Variants in BEND6 observed in about 807,000 individuals in gnomAD.
The protein encoded by BEND6 is BEN domain-containing protein 6.
A neutral mutation model predicts 31.8 loss-of-function variants in BEND6; 24 were observed. The ratio of observed to expected loss-of-function variants is 0.75; its 90% CI spans 0.55 to 1.06. The LOEUF is 1.06. Ranked by LOEUF, BEND6 falls within the 50% of genes least tolerant of loss-of-function variation. The probability of loss-of-function intolerance (pLI) is 0.00; values close to 1 mark genes in which losing one functional copy is unlikely to be tolerated. For synonymous variants in BEND6, 109 were observed against 114.6 expected (o/e 0.95, Z 0.31); for missense variants, 294 against 327.4 (o/e 0.90, Z 0.79).
intron 6 of BEND6, among the ~76,000 whole-genome samples, chr6:57,024,925 A>G (rs533953450): frequency 6.6e-6 from 1 of 152,044 alleles, no homozygotes; most frequent in East Asian, 1.9e-4. Flanking sequence ...TGCTCCTCTG[A>G]CTGTATATTT....
intron 3 of BEND6, among the ~76,000 whole-genome samples, chr6:57,003,586 C>T (rs894788797): frequency 6.6e-6 from 1 of 152,058 alleles, no homozygotes; most frequent in African/African-American, 2.4e-5. Flanking sequence ...GATTCATAGA[C>T]AAATTCTACC....
At chr6:56,979,017 T>G (rs1249535412) in intron 1 of BEND6, among the ~76,000 whole-genome samples, 3 of 152,182 alleles carry the variant, frequency 2.0e-5, no homozygotes, top group Admixed American at 6.5e-5. Flanking sequence ...TTGTCAAAAG[T>G]TAAAACAAAA....
rs1341566604 is a variant in BEND6 at position 56,955,208 on chromosome 6, C to T, written c.-353C>T. Reference sequence around the variant, plus strand: ...CCCGGGCCTGAGAGCCCAGCGCCCTCCCGCGGGGCCGCCCGCCAGTCCGCG... The same window carrying T: ...CCCGGGCCTGAGAGCCCAGCGCCCTTCCGCGGGGCCGCCCGCCAGTCCGCG... On this transcript the variant is annotated 5_prime_UTR_variant, in exon 1 of 7. Transcript: ENST00000370746. The T allele has an allele frequency of 1.9e-4, 29 of 151,692 alleles. No homozygotes were observed. The highest frequency in any genetic ancestry group is 4.0e-4 in the Non-Finnish European group (27 of 67,878). The allele number at this position is 151,692 out of a possible 1,614,324, so 9.4% of individuals were successfully genotyped here. A position where few individuals can be genotyped will look rare whatever the true frequency, so the allele number is the denominator to read the frequency against.
chr6:57,000,006 G>A (rs149442901), intron 3 of BEND6, among the ~76,000 whole-genome samples: 2,695 of 151,410 alleles, frequency 0.018, 31 homozygotes, highest in Middle Eastern at 0.044. Flanking sequence ...TGTGAGGAGC[G>A]CCTCTGCCCT....
chr6:56,968,705 C>T (rs891769844), intron 1 of BEND6, among the ~76,000 whole-genome samples: 2 of 151,914 alleles, frequency 1.3e-5, no homozygotes, highest in Non-Finnish European at 2.9e-5. Context: ...CGAACCATCC[C>T]GAAGCACACT....
rs145101362 is a variant in BEND6, at chr6:57,016,539, G to A, written c.520-668G>A. ...AAACTGAATTCCCCATTTTCTTGCT[G>A]GTTGTAAACTGAAGGCCATTCCTAC... On this transcript the variant is annotated intron_variant, in intron 4 of 6. Transcript: ENST00000370746. Among the ~76,000 whole-genome samples the A allele has an allele frequency of 1.5e-3, 228 of 152,238 alleles. 3 individuals are homozygous for A. In the East Asian group the frequency reaches 0.041, roughly 27 times the overall value.
intron 2 of BEND6, 47 bp downstream of exon 2, chr6:56,981,977 A>G (rs771725536): frequency 6.5e-7 from 1 of 1,548,678 alleles, no homozygotes; most frequent in South Asian, 1.3e-5. Context: ...TAGCTCAATC[A>G]TAATTTCATG....
At chr6:57,004,369 GT>G (rs1017189309) in intron 3 of BEND6, among the ~76,000 whole-genome samples, 20 of 152,212 alleles carry the variant, frequency 1.3e-4, no homozygotes, top group African/African-American at 4.3e-4. Context: ...TTCACCGTGG[GT>G]CCCCAAGGTT....
chr6:56,984,566 A>G (rs1386795294), intron 2 of BEND6, among the ~76,000 whole-genome samples: 1 of 152,222 alleles, frequency 6.6e-6, no homozygotes, highest in African/African-American at 2.4e-5. Flanking sequence ...AAACAGTCAC[A>G]TGCTCTTGTA....
chr6:56,963,684 C>A (rs1261687163), intron 1 of BEND6, among the ~76,000 whole-genome samples: 1 of 151,820 alleles, frequency 6.6e-6, no homozygotes, highest in South Asian at 2.1e-4. Context: ...TTGAAGCCCT[C>A]CCCTGTCCTC....
chr6:57,017,685 T>C (rs1827610843), intron 5 of BEND6, among the ~76,000 whole-genome samples: 2 of 152,186 alleles, frequency 1.3e-5, no homozygotes, highest in African/African-American at 4.8e-5. Flanking sequence ...TAAAGTAAAA[T>C]TTCAATAACA....
chr6:56,976,963 C>G (rs375336363), intron 1 of BEND6, among the ~76,000 whole-genome samples: 6 of 152,170 alleles, frequency 3.9e-5, no homozygotes, highest in African/African-American at 1.4e-4. Context: ...TTCCAACTCA[C>G]AGGAAAATAG....
At position 57,018,410 on chromosome 6, in the gene BEND6, G is replaced by T. The variant is rs1827635344; in HGVS notation, c.713-11G>T. On this transcript the variant is annotated splice_polypyrimidine_tract_variant and intron_variant, in intron 5 of 6. Transcript: ENST00000370746. ...TGAAGTTTCTCATGTGTCGCTATTG[G>T]TTTTTTACAGGAGTAACAAAACAAT... is the stretch of plus-strand genomic sequence containing the variant. 6.3e-7 allele frequency: 1 copy of T among 1,578,034 alleles called. No individual in the cohort carries two copies. The highest frequency in any genetic ancestry group is 8.6e-7 in the Non-Finnish European group (1 of 1,168,898).
intron 1 of BEND6, among the ~76,000 whole-genome samples, chr6:56,967,177 ATCAG>A (rs1447311797): frequency 6.6e-6 from 1 of 152,176 alleles, no homozygotes; most frequent in African/African-American, 2.4e-5. Flanking sequence ...GCCATGTTGT[ATCAG>A]TCAGAGTTCT....
Position 57,027,245 on chromosome 6 carries a change from A to G in BEND6, c.*1173A>G, listed in dbSNP as rs1827931614. The G allele has an allele frequency of 6.6e-6, 1 of 152,264 alleles. No homozygotes were observed. The highest frequency in any genetic ancestry group is 6.5e-5 in the Admixed American group (1 of 15,286). 9.4% of individuals were successfully genotyped at this position (152,264 alleles called of 1,614,324 possible). ...GGAAATTTTCCATAAGTCTTGCTTG[A>G]TAACAATGTGATTGTACAAAATAAA... is the stretch of plus-strand genomic sequence containing the variant. On this transcript the variant is annotated 3_prime_UTR_variant, in exon 7 of 7. Coordinates refer to ENST00000370746, the MANE Select transcript of BEND6 (RefSeq NM_152731.3).
rs1159637452 is a variant in BEND6 at position 57,018,426 on chromosome 6, A to T, written c.718A>T (p.Thr240Ser). 1 of 1,583,422 alleles carries T rather than the reference A, an allele frequency of 6.3e-7. No individual in the cohort carries two copies. Among genetic ancestry groups the T allele is most frequent in the South Asian group, 1.2e-5 (1 of 84,080 alleles). ...TCGCTATTGGTTTTTTACAGGAGTA[A>T]CAAAACAATTATTTCCCAATACGGA... is the stretch of plus-strand genomic sequence containing the variant. ...QNEVQEIIGV[T>S]KQLFPNTDDV... Residue 240 changes from threonine to serine, a missense_variant, in exon 6 of 7, where the codon ACA becomes TCA. By Grantham distance (58) the Thr-to-Ser change is moderately conservative. Coordinates refer to ENST00000370746, the MANE Select transcript of BEND6 (RefSeq NM_152731.3).
At chr6:56,964,805 T>C (rs1198189455) in intron 1 of BEND6, among the ~76,000 whole-genome samples, 1 of 152,234 alleles carries the variant, frequency 6.6e-6, no homozygotes, top group Non-Finnish European at 1.5e-5. Flanking sequence ...CTCTTCTCAG[T>C]CTTTGACACT....
At chr6:56,995,475 G>T (rs1826672632) in intron 3 of BEND6, among the ~76,000 whole-genome samples, 1 of 152,116 alleles carries the variant, frequency 6.6e-6, no homozygotes, top group Non-Finnish European at 1.5e-5. Flanking sequence ...CACAAACTAG[G>T]TGGCTTAAAC....
At chr6:56,993,340 AT>A (rs1826581989) in intron 3 of BEND6, among the ~76,000 whole-genome samples, 1 of 152,252 alleles carries the variant, frequency 6.6e-6, no homozygotes, top group African/African-American at 2.4e-5. Flanking sequence ...TACACAGAAC[AT>A]TTTGAAAATA....
Sources: allele counts gnomAD v4.1 joint callset (sites outside exome capture counted in the v4.1 genomes callset), GRCh38; gene constraint gnomAD v4.1.1; transcripts MANE v1.5; gene names NCBI Gene and HGNC (gene_info 2026-07-23, HGNC 2026-07-21).